ST18: variants seen among roughly 807,000 people sequenced by gnomAD.
ST18 encodes the protein suppression of tumorigenicity 18 protein.
ST18 carries 50 observed loss-of-function variants against 110.0 expected under a neutral mutation model. The observed-to-expected ratio is 0.45, with a 90% CI of 0.36 to 0.58. The LOEUF is 0.58. Ranked by LOEUF, ST18 falls within the 20% of genes least tolerant of loss-of-function variation. The pLI is 0.00. For missense variants in ST18, 1,306 were observed against 1,280.1 expected (o/e 1.02, Z -0.31); for synonymous variants, 461 against 452.4 (o/e 1.02, Z -0.24).
chr8:52,243,495 G>T (rs2093606834), intron 2 of ST18, among the ~76,000 whole-genome samples: 1 of 152,076 alleles, frequency 6.6e-6, no homozygotes, highest in Non-Finnish European at 1.5e-5. Flanking sequence ...ATATCTTAAG[G>T]AGAGATTAAG....
intron 2 of ST18, among the ~76,000 whole-genome samples, chr8:52,389,861 CAG>C: frequency 6.6e-6 from 1 of 152,272 alleles, no homozygotes; most frequent in Admixed American, 6.5e-5. Context: ...CTCAGATTAA[CAG>C]GGAATGTTTA....
chr8:52,300,285 T>A (rs1401661471), intron 2 of ST18, among the ~76,000 whole-genome samples: 1 of 152,154 alleles, frequency 6.6e-6, no homozygotes, highest in Admixed American at 6.5e-5. Flanking sequence ...GTTATATTGC[T>A]ATACAGATTC....
chr8:52,143,546 CTT>C (rs1211997921), intron 16 of ST18, among the ~76,000 whole-genome samples: 1 of 152,070 alleles, frequency 6.6e-6, no homozygotes, highest in Non-Finnish European at 1.5e-5. Flanking sequence ...TGTTACAGAT[CTT>C]TATCCTAAGT....
At chr8:52,141,235 C>G (rs746122657) in intron 17 of ST18, among the ~76,000 whole-genome samples, 1 of 152,260 alleles carries the variant, frequency 6.6e-6, no homozygotes, top group South Asian at 2.1e-4. Flanking sequence ...AAACTGATGA[C>G]GGACTCGGAA....
chr8:52,397,944 C>T (rs1391750087), intron 2 of ST18, among the ~76,000 whole-genome samples: 3 of 151,898 alleles, frequency 2.0e-5, no homozygotes, highest in Non-Finnish European at 2.9e-5. Flanking sequence ...TGTGGTTTCA[C>T]ACAAATTTTA....
At chr8:52,314,778 C>G (rs1186385267) in intron 2 of ST18, among the ~76,000 whole-genome samples, 1 of 152,168 alleles carries the variant, frequency 6.6e-6, no homozygotes, top group Non-Finnish European at 1.5e-5. Context: ...TCTTACCCAC[C>G]CATTGTGAGA....
chr8:52,171,629 G>T, intron 10 of ST18, 163 bp downstream of exon 10: 1 of 790,792 alleles, frequency 1.3e-6, no homozygotes, highest in Non-Finnish European at 2.1e-6. Flanking sequence ...ATAATCTAGA[G>T]AGTGGGGGAA....
At chr8:52,149,458 T>A (rs958062649) in intron 16 of ST18, among the ~76,000 whole-genome samples, 1 of 152,238 alleles carries the variant, frequency 6.6e-6, no homozygotes, top group Admixed American at 6.5e-5. Context: ...AAGGGATAGA[T>A]AATATAATCT....
rs114865957 is a variant in ST18, at chr8:52,192,151, G to T, written c.87-11839C>A. Among the ~76,000 whole-genome samples, 1,126 of 152,282 alleles carry T rather than the reference G, an allele frequency of 7.4e-3. 16 individuals are homozygous for T. Among genetic ancestry groups the T allele is most frequent in the African/African-American group, 0.026 (1,076 of 41,562 alleles). ...AGCATAGGCTCTCACTAAGACTGAT[G>T]TAGCTATGCCCACAGCCCAATGTCC... On this transcript the variant is annotated intron_variant, in intron 8 of 25. Coordinates refer to ENST00000689386, the MANE Select transcript of ST18 (RefSeq NM_001352837.2).
intron 10 of ST18, among the ~76,000 whole-genome samples, chr8:52,170,973 C>T (rs916549784): frequency 1.3e-5 from 2 of 152,200 alleles, no homozygotes; most frequent in African/African-American, 2.4e-5. Context: ...AGGTACTCCT[C>T]TCCCTAATTT....
chr8:52,389,039 G>C (rs1838212623), intron 2 of ST18, among the ~76,000 whole-genome samples: 1 of 151,704 alleles, frequency 6.6e-6, no homozygotes, highest in South Asian at 2.1e-4. Flanking sequence ...GGCAGACCAG[G>C]GCCCGAGAAG....
In ST18 at chr8:52,118,328, T is replaced by C. The variant is rs377627687; in HGVS notation, c.2859+10A>G. ...TACATTAAGGATCATGAATTACTTC[T>C]TTTTTTTACCTGGGTCTGAAGTTTC... is the stretch of plus-strand genomic sequence containing the variant. On this transcript the variant is annotated intron_variant, in intron 24 of 25. Transcript: ENST00000689386. The C allele has an allele frequency of 5.2e-6, 8 of 1,552,436 alleles. No individual in the cohort carries two copies. Among genetic ancestry groups the C allele is most frequent in the Non-Finnish European group, 7.0e-6 (8 of 1,136,280 alleles).
At chr8:52,209,127 T>C (rs1181066177) in intron 8 of ST18, among the ~76,000 whole-genome samples, 1 of 152,204 alleles carries the variant, frequency 6.6e-6, no homozygotes, top group Non-Finnish European at 1.5e-5. Context: ...ATATTATTTG[T>C]CCAAATTTAA....
chr8:52,397,185 AG>A (rs1312585935), intron 2 of ST18, among the ~76,000 whole-genome samples: 1 of 152,222 alleles, frequency 6.6e-6, no homozygotes, highest in African/African-American at 2.4e-5. Flanking sequence ...ACAGGTATGA[AG>A]TGATAACAGA....
At chr8:52,389,788 G>C (rs1838623776) in intron 2 of ST18, among the ~76,000 whole-genome samples, 1 of 152,218 alleles carries the variant, frequency 6.6e-6, no homozygotes, top group Admixed American at 6.5e-5. Flanking sequence ...TCTCTGAAGA[G>C]CCAGCCGGAG....
rs35639924 is a variant in ST18 at position 52,379,102 on chromosome 8, C to CTT, written c.-465+30224_-465+30225dup. Among the ~76,000 whole-genome samples, 1,215 of 145,618 alleles carry CTT rather than the reference C, an allele frequency of 8.3e-3. 36 individuals carry two copies. The highest frequency in any genetic ancestry group is 0.021 in the South Asian group (96 of 4,672). On this transcript the variant is annotated intron_variant, in intron 2 of 25. Transcript: ENST00000689386. ...AGAATAAAATCTATTTCTTTTCTTT[C>CTT]TTTTTTTTTTTTTTGAGACAGGGTC...
chr8:52,293,867 A>C (rs964101345), intron 2 of ST18, among the ~76,000 whole-genome samples: 1 of 152,206 alleles, frequency 6.6e-6, no homozygotes. Flanking sequence ...AGATTATATC[A>C]ATAATTTCTT....
intron 24 of ST18, 39 bp downstream of exon 24, chr8:52,118,299 T>C: frequency 2.9e-6 from 4 of 1,357,372 alleles, no homozygotes; most frequent in East Asian, 2.3e-5. Flanking sequence ...CCAAAGATTA[T>C]GATTACATTA....
chr8:52,345,074 A>C lies in ST18; in HGVS notation c.-465+64254T>G, dbSNP rs1817097784. Among the ~76,000 whole-genome samples the C allele has an allele frequency of 2.0e-5, 3 of 152,194 alleles. No homozygotes were observed. In the South Asian group the frequency reaches 6.2e-4, roughly 31 times the overall value. On this transcript the variant is annotated intron_variant, in intron 2 of 25. Coordinates refer to ENST00000689386, the MANE Select transcript of ST18 (RefSeq NM_001352837.2). ...TTCTCAATACATATAATTATAACAT[A>C]TTCTTTAATTTCCAAACAAACCAAA...
Sources: gnomAD v4.1 joint callset for allele counts (sites outside exome capture counted in the v4.1 genomes callset) on GRCh38, gnomAD v4.1.1 for gene constraint, MANE v1.5 for transcripts, NCBI Gene and HGNC (gene_info 2026-07-23, HGNC 2026-07-21) for gene names.